Variants in AP1G1 observed in about 807,000 individuals in gnomAD.
The protein encoded by AP1G1 is AP-1 complex subunit gamma-1.
In AP1G1, 7 loss-of-function variants were observed where a neutral mutation model predicts 108.3. That is an observed-to-expected ratio of 0.06 (90% CI 0.04 to 0.12). AP1G1 has a LOEUF of 0.12. AP1G1 is among the 10% of genes least tolerant of loss of function. AP1G1 has a pLI of 1.00. For missense variants in AP1G1, 756 were observed against 1,010.7 expected, an observed-to-expected ratio of 0.75 and a Z score of 3.42; for synonymous variants, 379 against 353.5, an observed-to-expected ratio of 1.07 and a Z score of -0.81.
rs896020673 is a variant in AP1G1, at chr16:71,758,810, T to C, written c.1086A>G (p.Lys362=). The change falls in exon 11 of 23, where the codon AAA becomes AAG. Residue 362 remains lysine, a splice_region_variant and synonymous_variant. Transcript: ENST00000299980. ...GAGAAAGGCTCTCAGTTTGTTACCGTTTTATTGAGACATCCAAATCTTTAA... is the reference window on the plus strand; with the variant it reads ...GAGAAAGGCTCTCAGTTTGTTACCGCTTTATTGAGACATCCAAATCTTTAA... ...DCLKDLDVSI[K]RRAMELSFAL... 1 of 1,581,910 alleles carries C rather than the reference T, an allele frequency of 6.3e-7. No homozygotes were observed. Among genetic ancestry groups the C allele is most frequent in the African/African-American group, 1.4e-5 (1 of 73,496 alleles).
chr16:71,792,981 G>A (rs1158335988), intron 1 of AP1G1, among the ~76,000 whole-genome samples: 2 of 151,866 alleles, frequency 1.3e-5, no homozygotes, highest in Admixed American at 6.6e-5. Flanking sequence ...TAGCCTGGGC[G>A]ACATGCTGAA....
chr16:71,733,162 A>G lies in AP1G1; in HGVS notation c.2368-3T>C, dbSNP rs118111752. The stretch of plus-strand genomic sequence containing the variant: ...TTGATCCGCATTCGCAGCTGTTGCT[A>G]TAAGAGGAAAAGAGAAGTGCAAATT... On this transcript the variant is annotated splice_polypyrimidine_tract_variant and splice_region_variant and intron_variant, in intron 22 of 22. Coordinates refer to ENST00000299980, the MANE Select transcript of AP1G1 (RefSeq NM_001128.6). 1,596 of 1,612,522 alleles carry G rather than the reference A, an allele frequency of 9.9e-4. 25 individuals are homozygous for G. The East Asian group carries it at 0.028, about 28-fold the overall frequency.
intron 2 of AP1G1, among the ~76,000 whole-genome samples, chr16:71,788,435 C>CTCAATGCCCAGACTATCAA (rs1421115814): frequency 1.3e-5 from 2 of 152,126 alleles, no homozygotes; most frequent in Non-Finnish European, 2.9e-5. Context: ...GACTATCATT[C>CTCAATGCCCAGACTATCAA]TCAAAGCCCA....
intron 1 of AP1G1, among the ~76,000 whole-genome samples, chr16:71,792,041 T>G (rs1179323153): frequency 6.6e-6 from 1 of 152,036 alleles, no homozygotes; most frequent in Non-Finnish European, 1.5e-5. Context: ...GGATTACAGG[T>G]GTGAGCCACC....
chr16:71,754,216 C>T lies in AP1G1; in HGVS notation c.1230-329G>A, dbSNP rs2030652000. Among the ~76,000 whole-genome samples the T allele has an allele frequency of 7.0e-5, 9 of 128,486 alleles. No individual in the cohort carries two copies. In the South Asian group the frequency reaches 2.2e-3, roughly 31 times the overall value. 84.3% of individuals were successfully genotyped at this position (128,486 alleles called of 152,430 possible). ...AGAGAGAGAAAAGAAAGAGAAGAAA[C>T]AGAAGAAAGAAAAGAAAGGGAAGAA... On this transcript the variant is annotated intron_variant, in intron 12 of 22. Transcript: ENST00000299980.
rs906812076 is a variant in AP1G1, at chr16:71,797,798, CA to C, written c.-3-8317del. 2.0e-4 allele frequency among the ~76,000 whole-genome samples: 29 copies of C among 144,624 alleles called. 1 individual carries two copies. Among genetic ancestry groups the C allele is most frequent in the Non-Finnish European group, 2.6e-4 (17 of 65,644 alleles). The allele number at this position is 144,624 out of a possible 152,430, so 94.9% of individuals were successfully genotyped here. The stretch of plus-strand genomic sequence containing the variant: ...TGGGCGACAGAGCAAGACGCAGTCT[CA>C]AAAAAAAAAAGTTACTTAATACTAA... On this transcript the variant is annotated intron_variant, in intron 1 of 22. Coordinates refer to ENST00000299980, the MANE Select transcript of AP1G1 (RefSeq NM_001128.6).
chr16:71,738,876 C>T, intron 21 of AP1G1, 66 bp downstream of exon 21: 1 of 1,410,894 alleles, frequency 7.1e-7, no homozygotes, highest in East Asian at 2.3e-5. Context: ...CTTTACCAAA[C>T]ACATGAAAAA....
intron 10 of AP1G1, among the ~76,000 whole-genome samples, chr16:71,759,949 T>C (rs1780024518): frequency 6.6e-6 from 1 of 152,102 alleles, no homozygotes; most frequent in Admixed American, 6.5e-5. Flanking sequence ...TTTTATTTGA[T>C]CTAGTACCAA....
intron 13 of AP1G1, among the ~76,000 whole-genome samples, chr16:71,752,232 T>C (rs1253921996): frequency 6.6e-6 from 1 of 152,174 alleles, no homozygotes; most frequent in African/African-American, 2.4e-5. Context: ...TTCAGGAGTG[T>C]TAATTTCTCC....
intron 6 of AP1G1, among the ~76,000 whole-genome samples, chr16:71,766,990 C>G (rs1234236459): frequency 1.3e-5 from 2 of 152,120 alleles, no homozygotes; most frequent in Non-Finnish European, 2.9e-5. Flanking sequence ...CACTTTAAAT[C>G]AATATTTTTG....
At chr16:71,733,578 C>G (rs1026865429) in intron 22 of AP1G1, among the ~76,000 whole-genome samples, 13 of 47,024 alleles carry the variant, frequency 2.8e-4, no homozygotes, top group African/African-American at 1.0e-3. Flanking sequence ...GTTGGCCAGG[C>G]TGGTCTTCAA....
intron 5 of AP1G1, 132 bp from the exon 6 acceptor site, chr16:71,769,831 C>G (rs2031500178): frequency 1.5e-6 from 1 of 656,850 alleles, no homozygotes; most frequent in Non-Finnish European, 2.7e-6. Flanking sequence ...CCCAAAGCAT[C>G]TAAGCATTGA....
chr16:71,761,506 ACTTACCTAATATT>A lies in AP1G1; in HGVS notation c.967_974+5del. 6.4e-7 allele frequency: 1 copy of A among 1,566,906 alleles called. No individual in the cohort carries two copies. The highest frequency in any genetic ancestry group is 8.8e-7 in the Non-Finnish European group (1 of 1,137,810). ...CAAGATAAAAGACATATTTCAGTTA[ACTTACCTAATATT>A]CTTGTCATTGTTCAATAAGAAACGA... On this transcript the variant is annotated splice_donor_variant and splice_donor_5th_base_variant and coding_sequence_variant and intron_variant, in exon 10 of 23. Transcript: ENST00000299980. LOFTEE classifies it high-confidence loss of function.
intron 2 of AP1G1, among the ~76,000 whole-genome samples, 197 bp from the exon 3 acceptor site, chr16:71,774,789 C>T (rs1314579069): frequency 2.0e-5 from 3 of 151,538 alleles, no homozygotes; most frequent in East Asian, 1.9e-4. Context: ...GGTGTGATCT[C>T]GGCTCACTGC....
chr16:71,732,855 G>T lies in AP1G1; in HGVS notation c.*203C>A. ...GAGTGCAAAGTAGCCTCCAGAAGCA[G>T]CCAGCCTCAACAGTGGAGGAGAGGA... On this transcript the variant is annotated 3_prime_UTR_variant, in exon 23 of 23. Coordinates refer to ENST00000299980, the MANE Select transcript of AP1G1 (RefSeq NM_001128.6). 2.0e-6 allele frequency: 1 copy of T among 496,284 alleles called. No homozygotes were observed. 30.7% of individuals were successfully genotyped at this position (496,284 alleles called of 1,614,324 possible). A position where few individuals can be genotyped will look rare whatever the true frequency, so the allele number is the denominator to read the frequency against.
intron 2 of AP1G1, among the ~76,000 whole-genome samples, chr16:71,775,032 T>C (rs574315437): frequency 3.2e-5 from 4 of 125,102 alleles, no homozygotes; most frequent in Non-Finnish European, 5.1e-5. Context: ...TTTTTTTTTT[T>C]TTTTTTTTTT....
rs1303117696 is a variant in AP1G1, at chr16:71,774,527, T to G, written c.267A>C (p.Ala89=). ...FTDKRIGYLG[A]MLLLDERQDV... ...CTTGTCTTTCATCTAACAGCAGCAT[T>G]GCCCCTAAATAGCCAATGCGTTTGT... Residue 89 remains alanine (A), a synonymous_variant, in exon 3 of 23, where the codon GCA becomes GCC. Transcript: ENST00000299980. 6.2e-7 allele frequency: 1 copy of G among 1,609,014 alleles called. No homozygotes were observed. The highest frequency in any genetic ancestry group is 8.5e-7 in the Non-Finnish European group (1 of 1,178,754).
intron 6 of AP1G1, 104 bp from the exon 7 acceptor site, chr16:71,765,688 A>G: frequency 1.2e-6 from 1 of 816,222 alleles, no homozygotes; most frequent in South Asian, 1.4e-5. Context: ...TCCCAGTCCA[A>G]GCAAATTCTA....
chr16:71,772,385 T>A (rs1024907962), intron 4 of AP1G1, among the ~76,000 whole-genome samples: 1 of 152,180 alleles, frequency 6.6e-6, no homozygotes, highest in African/African-American at 2.4e-5. Context: ...CATCTTGGCC[T>A]CCCAAAGTGC....
Sources: gnomAD v4.1 joint callset for allele counts (sites outside exome capture counted in the v4.1 genomes callset) on GRCh38, gnomAD v4.1.1 for gene constraint, MANE v1.5 for transcripts, NCBI Gene and HGNC (gene_info 2026-07-23, HGNC 2026-07-21) for gene names.